The following SMIM35 variants were observed in gnomAD, a reference collection of about 807,000 sequenced individuals.
SMIM35 encodes TMPRSS4 antisense RNA 1 (non-protein coding).
Position 118,051,017 on chromosome 11 carries a change from A to G in SMIM35, c.8-35208T>C, listed in dbSNP as rs149157643. ...GATTCTCATCCTTTAGTAAAGCAGGAGAGACAGAAGGGATTGCTCTGGGCT... is the reference window on the plus strand; with the variant it reads ...GATTCTCATCCTTTAGTAAAGCAGGGGAGACAGAAGGGATTGCTCTGGGCT... On this transcript the variant is annotated intron_variant, in intron 1 of 4. Coordinates refer to ENST00000689828, the MANE Select transcript of SMIM35 (RefSeq NM_001394165.1). 3.9e-3 allele frequency among the ~76,000 whole-genome samples: 588 copies of G among 152,314 alleles called. 2 individuals are homozygous for G. The highest frequency in any genetic ancestry group is 7.0e-3 in the Non-Finnish European group (477 of 68,026).
intron 1 of SMIM35, among the ~76,000 whole-genome samples, chr11:118,049,540 G>T (rs1399945564): frequency 6.6e-6 from 1 of 151,576 alleles, no homozygotes; most frequent in Non-Finnish European, 1.5e-5. Context: ...GTAGAGACGG[G>T]GTTTTGCCAT....
At chr11:118,058,229 T>C (rs941669266) in intron 1 of SMIM35, among the ~76,000 whole-genome samples, 4 of 152,130 alleles carry the variant, frequency 2.6e-5, no homozygotes, top group Non-Finnish European at 4.4e-5. Context: ...AAGCGGAGCA[T>C]GCATTGGCTG....
At chr11:118,050,933 C>CA (rs1238144974) in intron 1 of SMIM35, among the ~76,000 whole-genome samples, 1 of 152,236 alleles carries the variant, frequency 6.6e-6, no homozygotes, top group Non-Finnish European at 1.5e-5. Context: ...ACCCTATCTG[C>CA]AGAAGAGCTT....
At chr11:118,034,065 C>T (rs1278559810) in intron 1 of SMIM35, among the ~76,000 whole-genome samples, 1 of 151,878 alleles carries the variant, frequency 6.6e-6, no homozygotes, top group African/African-American at 2.4e-5. Context: ...GTCAGGAGTT[C>T]AAGACCAGCC....
At chr11:118,078,013 C>CAAAAAAAAAAAA (rs148383275) in intron 1 of SMIM35, among the ~76,000 whole-genome samples, 2 of 71,050 alleles carry the variant, frequency 2.8e-5, no homozygotes, top group African/African-American at 5.5e-5. Context: ...AACTCCGTCT[C>CAAAAAAAAAAAA]AAAAAAAAAA....
intron 1 of SMIM35, among the ~76,000 whole-genome samples, chr11:118,036,971 T>C (rs1291054067): frequency 6.6e-6 from 1 of 152,210 alleles, no homozygotes; most frequent in Non-Finnish European, 1.5e-5. Context: ...ATTAGCATTT[T>C]AGTGAGCTCT....
At chr11:118,054,485 T>C (rs1373889331) in intron 1 of SMIM35, among the ~76,000 whole-genome samples, 1 of 152,214 alleles carries the variant, frequency 6.6e-6, no homozygotes, top group African/African-American at 2.4e-5. Flanking sequence ...CATGCTGTTG[T>C]TTCAGATGAC....
chr11:118,078,357 A>G (rs1005243021), intron 1 of SMIM35, among the ~76,000 whole-genome samples: 20 of 152,338 alleles, frequency 1.3e-4, no homozygotes, highest in Non-Finnish European at 2.1e-4. Context: ...GGAAAGGAGA[A>G]GCCACTGTCC....
intron 1 of SMIM35, among the ~76,000 whole-genome samples, chr11:118,040,072 C>T (rs572560796): frequency 1.5e-4 from 22 of 147,660 alleles, no homozygotes; most frequent in South Asian, 4.4e-4. Context: ...AAAAATCAGC[C>T]GGGCATGATG....
intron 1 of SMIM35, among the ~76,000 whole-genome samples, chr11:118,079,450 C>A (rs912322192): frequency 2.0e-5 from 3 of 152,124 alleles, no homozygotes; most frequent in African/African-American, 7.2e-5. Context: ...GGGACTCAGG[C>A]CCAGGCAGAG....
chr11:118,039,981 G>C (rs1175620429), intron 1 of SMIM35, among the ~76,000 whole-genome samples: 1 of 149,308 alleles, frequency 6.7e-6, no homozygotes, highest in African/African-American at 2.5e-5. Context: ...GGAGATGGAG[G>C]TTGCAGTGAG....
At chr11:118,069,674 G>A (rs1944539632) in intron 1 of SMIM35, among the ~76,000 whole-genome samples, 2 of 152,194 alleles carry the variant, frequency 1.3e-5, no homozygotes, top group Admixed American at 1.3e-4. Flanking sequence ...GTGTTGGGAG[G>A]TAGGGCCTAA....
chr11:118,029,952 G>T, intron 1 of SMIM35: 1 of 360,258 alleles, frequency 2.8e-6, no homozygotes, highest in South Asian at 2.1e-5. Flanking sequence ...CTGGTAAAAT[G>T]ATTGTTGTGG....
At chr11:118,031,562 G>A (rs886316874) in intron 1 of SMIM35, among the ~76,000 whole-genome samples, 3 of 152,076 alleles carry the variant, frequency 2.0e-5, no homozygotes, top group African/African-American at 7.2e-5. Flanking sequence ...TTTGATATTT[G>A]AGTATCAAAA....
At chr11:118,025,080 T>A (rs531188037) in intron 1 of SMIM35, among the ~76,000 whole-genome samples, 1 of 152,338 alleles carries the variant, frequency 6.6e-6, no homozygotes, top group East Asian at 1.9e-4. Context: ...TCATCAATTT[T>A]GCTGCAAAGG....
intron 1 of SMIM35, among the ~76,000 whole-genome samples, chr11:118,047,614 A>G (rs1944120357): frequency 6.6e-6 from 1 of 152,190 alleles, no homozygotes; most frequent in African/African-American, 2.4e-5. Context: ...CTGTCCAGAG[A>G]CTGAGGGCTG....
At chr11:118,044,315 G>GAAA (rs34422344) in intron 1 of SMIM35, among the ~76,000 whole-genome samples, 19 of 134,532 alleles carry the variant, frequency 1.4e-4, no homozygotes, top group Non-Finnish European at 1.7e-4. Flanking sequence ...TGGCAGAATT[G>GAAA]AAAAAAAAAA....
intron 1 of SMIM35, among the ~76,000 whole-genome samples, chr11:118,055,448 G>A (rs976017254): frequency 3.0e-4 from 46 of 152,220 alleles, no homozygotes; most frequent in African/African-American, 9.9e-4. Context: ...CCCCGGCCCT[G>A]CCACCTCCTA....
At chr11:118,034,289 A>C (rs539318637) in intron 1 of SMIM35, among the ~76,000 whole-genome samples, 36 of 152,312 alleles carry the variant, frequency 2.4e-4, no homozygotes, top group African/African-American at 5.8e-4. Context: ...CACACACACA[A>C]AAAAAGAAAT....
Sources: gnomAD v4.1 joint callset for allele counts (sites outside exome capture counted in the v4.1 genomes callset) on GRCh38, gnomAD v4.1.1 for gene constraint, MANE v1.5 for transcripts, NCBI Gene and HGNC (gene_info 2026-07-23, HGNC 2026-07-21) for gene names.